The following TMEM38A variants were observed in gnomAD, a reference collection of about 807,000 sequenced individuals.
The protein encoded by TMEM38A is trimeric intracellular cation channel type A.
A neutral mutation model predicts 28.6 loss-of-function variants in TMEM38A; 17 were observed. The observed-to-expected ratio is 0.60, with a 90% confidence interval of 0.41 to 0.89. TMEM38A has a LOEUF of 0.89. Ranked by LOEUF, TMEM38A falls within the 40% of genes least tolerant of loss-of-function variation. The pLI is 0.00. For missense variants in TMEM38A, 328 were observed against 393.1 expected (o/e 0.83, Z 1.40); for synonymous variants, 169 against 166.1 (o/e 1.02, Z -0.14).
intron 1 of TMEM38A, among the ~76,000 whole-genome samples, chr19:16,677,309 A>G (rs757507776): frequency 3.9e-5 from 6 of 152,074 alleles, no homozygotes; most frequent in Non-Finnish European, 8.8e-5. Context: ...GCATGGGTAC[A>G]CTATCATTAA....
intron 1 of TMEM38A, among the ~76,000 whole-genome samples, chr19:16,673,710 C>T (rs1285816342): frequency 1.3e-5 from 2 of 152,180 alleles, no homozygotes; most frequent in South Asian, 2.1e-4. Flanking sequence ...CTAAGAAGAA[C>T]GTAATTCCTT....
intron 1 of TMEM38A, among the ~76,000 whole-genome samples, chr19:16,673,443 G>A (rs190688892): frequency 3.2e-4 from 48 of 152,264 alleles, no homozygotes; most frequent in African/African-American, 1.1e-3. Context: ...CTAAGAGACT[G>A]TTGATTTCAC....
At chr19:16,662,926 T>G (rs2086688463) in intron 1 of TMEM38A, among the ~76,000 whole-genome samples, 1 of 152,152 alleles carries the variant, frequency 6.6e-6, no homozygotes, top group African/African-American at 2.4e-5. Context: ...CTATCTTTCC[T>G]TTCTGGGGAA....
intron 2 of TMEM38A, 89 bp downstream of exon 2, chr19:16,680,229 A>G (rs2122593705): frequency 6.5e-7 from 1 of 1,538,756 alleles, no homozygotes; most frequent in South Asian, 1.2e-5. Context: ...AGGAATTAGA[A>G]TGCACCAGCA....
intron 4 of TMEM38A, 111 bp from the exon 5 acceptor site, chr19:16,686,177 A>G (rs2086800951): frequency 1.4e-6 from 1 of 713,888 alleles, no homozygotes; most frequent in South Asian, 1.8e-5. Context: ...GGAAAAGAAA[A>G]GAGAGAAGCT....
chr19:16,666,700 G>A (rs1173719583), intron 1 of TMEM38A, among the ~76,000 whole-genome samples: 1 of 152,064 alleles, frequency 6.6e-6, no homozygotes, highest in Non-Finnish European at 1.5e-5. Flanking sequence ...CATGCCTATA[G>A]TCCCAGCACT....
chr19:16,671,581 C>T (rs987988083), intron 1 of TMEM38A, among the ~76,000 whole-genome samples: 3 of 151,944 alleles, frequency 2.0e-5, no homozygotes, highest in African/African-American at 7.3e-5. Context: ...CAAGGCCATG[C>T]TAGAGTGAGT....
intron 4 of TMEM38A, among the ~76,000 whole-genome samples, chr19:16,684,936 C>T (rs2086795645): frequency 6.6e-6 from 1 of 151,410 alleles, no homozygotes; most frequent in African/African-American, 2.4e-5. Context: ...CTAGCCCTAG[C>T]TACTTGGGGG....
intron 5 of TMEM38A, among the ~76,000 whole-genome samples, chr19:16,686,801 C>T (rs1161400279): frequency 6.6e-6 from 1 of 152,148 alleles, no homozygotes; most frequent in African/African-American, 2.4e-5. Flanking sequence ...TCTTCAGGGG[C>T]TGGGCTCTCT....
chr19:16,663,226 A>G (rs1357545091), intron 1 of TMEM38A, among the ~76,000 whole-genome samples: 1 of 151,640 alleles, frequency 6.6e-6, no homozygotes, highest in Non-Finnish European at 1.5e-5. Flanking sequence ...GGTTGCAGTG[A>G]GCCGAGATCA....
At chr19:16,685,766 G>A (rs2086799167) in intron 4 of TMEM38A, among the ~76,000 whole-genome samples, 1 of 152,138 alleles carries the variant, frequency 6.6e-6, no homozygotes, top group Non-Finnish European at 1.5e-5. Flanking sequence ...ACACTCCAAG[G>A]GCTTAGAGGG....
At chr19:16,674,028 G>A (rs976079967) in intron 1 of TMEM38A, among the ~76,000 whole-genome samples, 9 of 152,090 alleles carry the variant, frequency 5.9e-5, no homozygotes, top group African/African-American at 1.7e-4. Flanking sequence ...TGAGGCTGCA[G>A]TGAGCTATGA....
At chr19:16,675,285 G>T (rs1194825266) in intron 1 of TMEM38A, among the ~76,000 whole-genome samples, 1 of 152,134 alleles carries the variant, frequency 6.6e-6, no homozygotes, top group African/African-American at 2.4e-5. Flanking sequence ...CCAGGCTGGA[G>T]TGCAGTGCCT....
At chr19:16,674,469 G>A (rs997391936) in intron 1 of TMEM38A, among the ~76,000 whole-genome samples, 1 of 151,606 alleles carries the variant, frequency 6.6e-6, no homozygotes, top group African/African-American at 2.4e-5. Context: ...AATTCCATGA[G>A]GGCAGGGACC....
At chr19:16,686,441 A>G (rs2086802425) in intron 5 of TMEM38A, 36 bp downstream of exon 5, 1 of 1,542,558 alleles carries the variant, frequency 6.5e-7, no homozygotes, top group East Asian at 2.3e-5. Context: ...TCTTGCCTTG[A>G]CCAATGCCAC....
chr19:16,661,353 C>CG lies in TMEM38A; in HGVS notation c.124+18dup. On this transcript the variant is annotated intron_variant, in intron 1 of 5. Transcript: ENST00000187762. The surrounding 1 kb of genome is among the most constrained non-coding windows in gnomAD (Gnocchi z 6.5). ...CAAGTATGAGCCAGGTGAGCCGGGG[C>CG]GGGGGGCTGGAGGGGACCGGCAGCG... 3 of 1,514,556 alleles carry CG rather than the reference C, an allele frequency of 2.0e-6. No individual in the cohort carries two copies. The highest frequency in any genetic ancestry group is 1.9e-5 in the Admixed American group (1 of 53,848). 93.8% of individuals were successfully genotyped at this position (1,514,556 alleles called of 1,614,324 possible).
chr19:16,682,420 G>A lies in TMEM38A; in HGVS notation c.467-1G>A. 2.5e-6 allele frequency: 4 copies of A among 1,614,000 alleles called. No individual in the cohort carries two copies. Among genetic ancestry groups the A allele is most frequent in the Non-Finnish European group, 3.4e-6 (4 of 1,179,968 alleles). On this transcript the variant is annotated splice_acceptor_variant, in intron 3 of 5. Transcript: ENST00000187762. LOFTEE classifies it high-confidence loss of function. ...TTGTTCAGAAGCACCCTGTCCTGTA[G>A]GTTCTGGTGTCGCCCTCATGTCCAA...
chr19:16,681,769 C>T (rs941574051), intron 3 of TMEM38A, among the ~76,000 whole-genome samples: 3 of 152,172 alleles, frequency 2.0e-5, no homozygotes, highest in Non-Finnish European at 4.4e-5. Context: ...AAGTGTTTCT[C>T]AACATTGCCA....
At chr19:16,688,098 G>T in intron 5 of TMEM38A, 46 bp from the exon 6 acceptor site, 1 of 1,329,070 alleles carries the variant, frequency 7.5e-7, no homozygotes. Flanking sequence ...TTCTACCTTG[G>T]TCTCCCTCTG....
Sources: allele counts gnomAD v4.1 joint callset (sites outside exome capture counted in the v4.1 genomes callset), GRCh38; gene constraint gnomAD v4.1.1; non-coding constraint Gnocchi (gnomAD v3.1); transcripts MANE v1.5; gene names NCBI Gene and HGNC (gene_info 2026-07-23, HGNC 2026-07-21).